TANK: variants seen among roughly 807,000 people sequenced by gnomAD.
TANK encodes the protein TRAF family member-associated NF-kappa-B activator.
TANK carries 15 observed loss-of-function variants against 43.6 expected under a neutral mutation model. The observed-to-expected ratio is 0.34, with a 90% CI of 0.23 to 0.53. TANK has a LOEUF of 0.53. Ranked by LOEUF, TANK falls within the 20% of genes least tolerant of loss-of-function variation. The pLI is 0.94. For missense variants in TANK, 417 were observed against 498.6 expected (o/e 0.84, Z 1.56); for synonymous variants, 162 against 178.2 (o/e 0.91, Z 0.73).
chr2:161,231,287 C>G lies in TANK; in HGVS notation c.837C>G (p.Asn279Lys). Reference protein sequence around the residue: ...FNMEFRDNPGNFVKTEETLFE... With the variant: ...FNMEFRDNPGKFVKTEETLFE... ...TGGAGTTCAGAGACAACCCAGGGAA[C>G]TTTGTTAAAACAGAAGAAACTTTAT... Residue 279 changes from asparagine (N) to lysine (K), a missense_variant, in exon 7 of 8, where the codon AAC (asparagine) becomes AAG (lysine). Coordinates refer to ENST00000392749, the MANE Select transcript of TANK (RefSeq NM_001199135.3). 6.2e-7 allele frequency: 1 copy of G among 1,614,100 alleles called. No individual in the cohort carries two copies. Among genetic ancestry groups the G allele is most frequent in the Non-Finnish European group, 8.5e-7 (1 of 1,180,016 alleles).
At chr2:161,201,334 GT>G in intron 2 of TANK, 8 of 879,054 alleles carry the variant, frequency 9.1e-6, no homozygotes, top group Non-Finnish European at 1.1e-5. Flanking sequence ...GCTAAAGTAT[GT>G]TTTTTAAGCC....
At chr2:161,195,517 A>G (rs975712597) in intron 2 of TANK, among the ~76,000 whole-genome samples, 4 of 152,192 alleles carry the variant, frequency 2.6e-5, no homozygotes, top group African/African-American at 9.7e-5. Context: ...AACTTAAAGT[A>G]TAAGGGAAAT....
chr2:161,191,940 A>C (rs1685935762), intron 2 of TANK, among the ~76,000 whole-genome samples: 1 of 151,690 alleles, frequency 6.6e-6, no homozygotes, highest in African/African-American at 2.4e-5. Context: ...GGCGCCCACC[A>C]CCACGCCCAG....
At position 161,231,461 on chromosome 2, in the gene TANK, A is replaced by G; in HGVS notation, c.1011A>G (p.Leu337=). The change falls in exon 7 of 8, where the codon TTA becomes TTG. Residue 337 remains leucine, a synonymous_variant. Transcript: ENST00000392749. ...ACLPPGDHNA[L]YVNSFPLLDP... ...TGCCACCTGGAGACCATAATGCATT[A>G]TATGTAAATAGCTTCCCACTTCTGG... 3.7e-6 allele frequency: 6 copies of G among 1,614,104 alleles called. No individual in the cohort carries two copies. The highest frequency in any genetic ancestry group is 4.2e-6 in the Non-Finnish European group (5 of 1,180,012).
chr2:161,147,232 C>T (rs988178274), intron 1 of TANK, among the ~76,000 whole-genome samples: 12 of 152,184 alleles, frequency 7.9e-5, no homozygotes, highest in African/African-American at 1.2e-4. Context: ...TTCCCTTCCC[C>T]CACCCTGGGA....
rs149751441 is a variant in TANK at position 161,200,650 on chromosome 2, G to A, written c.100-2837G>A. The A allele has an allele frequency of 9.5e-4, 627 of 660,018 alleles. 2 individuals are homozygous for A. The highest frequency in any genetic ancestry group is 9.5e-3 in the African/African-American group (478 of 50,410). 40.9% of individuals were successfully genotyped at this position (660,018 alleles called of 1,614,324 possible). The stretch of plus-strand genomic sequence containing the variant: ...CAAACATTACCTATCTTTTGCATCC[G>A]TTTTCTCAAACTTAGTTTCCCTTTG... On this transcript the variant is annotated intron_variant, in intron 2 of 7. Transcript: ENST00000392749.
At chr2:161,211,165 G>A (rs1329610409) in intron 4 of TANK, among the ~76,000 whole-genome samples, 1 of 152,200 alleles carries the variant, frequency 6.6e-6, no homozygotes, top group Non-Finnish European at 1.5e-5. Context: ...CTTCAATTAT[G>A]TATAGCAGTT....
At position 161,160,475 on chromosome 2, in the gene TANK, A is replaced by G. The variant is rs1375013992; in HGVS notation, c.-61A>G. On this transcript the variant is annotated 5_prime_UTR_variant, in exon 1 of 8. Coordinates refer to ENST00000392749, the MANE Select transcript of TANK (RefSeq NM_001199135.3). ...TGAGGGGAGAGGGAACGCAGCTGAAAGCGTGAACTGTGTGAGTAAGAAACT... is the reference window on the plus strand; with the variant it reads ...TGAGGGGAGAGGGAACGCAGCTGAAGGCGTGAACTGTGTGAGTAAGAAACT... 51 of 1,242,508 alleles carry G rather than the reference A, an allele frequency of 4.1e-5. No homozygotes were observed. The highest frequency in any genetic ancestry group is 5.0e-5 in the Non-Finnish European group (50 of 992,842). The allele number at this position is 1,242,508 out of a possible 1,614,324, so 77.0% of individuals were successfully genotyped here. A position where few individuals can be genotyped will look rare whatever the true frequency, so the allele number is the denominator to read the frequency against.
chr2:161,197,076 A>G (rs1477153678), intron 2 of TANK, among the ~76,000 whole-genome samples: 2 of 152,200 alleles, frequency 1.3e-5, no homozygotes, highest in African/African-American at 4.8e-5. Context: ...CAAAATGTCA[A>G]TAGCAGTTAC....
At chr2:161,223,884 G>T in intron 4 of TANK, 31 bp from the exon 5 acceptor site, 1 of 1,432,056 alleles carries the variant, frequency 7.0e-7, no homozygotes, top group Non-Finnish European at 9.7e-7. Context: ...GCAATTTAAA[G>T]TAGTAATAGT....
At chr2:161,154,811 C>T (rs1037772883) in intron 1 of TANK, among the ~76,000 whole-genome samples, 1 of 150,438 alleles carries the variant, frequency 6.6e-6, no homozygotes, top group South Asian at 2.1e-4. Context: ...GTGGTGCCAT[C>T]TCAGGTCACT....
intron 1 of TANK, among the ~76,000 whole-genome samples, chr2:161,144,051 T>C (rs879340105): frequency 3.3e-5 from 5 of 152,184 alleles, no homozygotes; most frequent in Non-Finnish European, 5.9e-5. Flanking sequence ...AGGGTGTATG[T>C]GTCCAGGAAT....
rs2288124 is a variant in TANK, at chr2:161,161,649, T to C, written c.-50+1163T>C. On this transcript the variant is annotated intron_variant, in intron 1 of 7. Transcript: ENST00000392749. The stretch of plus-strand genomic sequence containing the variant: ...GTTCGATAATCTGTTTCAGATTAAA[T>C]ATATATATATGGTGAAAGTCTTGCC... The C allele has an allele frequency of 0.028, 15,172 of 545,964 alleles. 1,684 individuals are homozygous for C. The East Asian group carries it at 0.32, about 11-fold the overall frequency. The allele number at this position is 545,964 out of a possible 1,614,324, so 33.8% of individuals were successfully genotyped here. A position where few individuals can be genotyped will look rare whatever the true frequency, so the allele number is the denominator to read the frequency against.
intron 4 of TANK, chr2:161,219,775 G>GACT (rs1192161807): frequency 2.2e-6 from 1 of 457,592 alleles, no homozygotes; most frequent in Non-Finnish European, 4.5e-6. Flanking sequence ...AGTATATGTA[G>GACT]ACTGGTAAGG....
chr2:161,174,082 CTT>C (rs1685073759), intron 1 of TANK, among the ~76,000 whole-genome samples: 1 of 152,092 alleles, frequency 6.6e-6, no homozygotes, highest in African/African-American at 2.4e-5. Context: ...AATAACATAT[CTT>C]ATATATATGG....
At chr2:161,173,701 C>G (rs530719414) in intron 1 of TANK, among the ~76,000 whole-genome samples, 1 of 152,040 alleles carries the variant, frequency 6.6e-6, no homozygotes, top group African/African-American at 2.4e-5. Flanking sequence ...CTGCCTCACT[C>G]AATTATAAGC....
At chr2:161,184,477 T>C (rs1167232554) in intron 2 of TANK, among the ~76,000 whole-genome samples, 1 of 152,194 alleles carries the variant, frequency 6.6e-6, no homozygotes, top group East Asian at 1.9e-4. Flanking sequence ...TCTATTAATA[T>C]ACATACTAAA....
chr2:161,141,855 A>T (rs574541433), intron 1 of TANK, among the ~76,000 whole-genome samples: 3 of 152,268 alleles, frequency 2.0e-5, no homozygotes, highest in Admixed American at 1.3e-4. Flanking sequence ...CATTAATAGG[A>T]TTGCTGGGTC....
chr2:161,217,864 C>CT (rs887268884), intron 4 of TANK, among the ~76,000 whole-genome samples: 20 of 151,974 alleles, frequency 1.3e-4, no homozygotes, highest in African/African-American at 4.8e-4. Flanking sequence ...CAGACAAGGA[C>CT]TTTATCAGCT....
Sources: allele counts gnomAD v4.1 joint callset (sites outside exome capture counted in the v4.1 genomes callset), GRCh38; gene constraint gnomAD v4.1.1; transcripts MANE v1.5; gene names NCBI Gene and HGNC (gene_info 2026-07-23, HGNC 2026-07-21).